The following IQCK variants were observed in gnomAD, a reference collection of about 807,000 sequenced individuals.
IQCK encodes IQ domain-containing protein K.
IQCK carries 29 observed loss-of-function variants against 28.1 expected under a neutral mutation model. That is an observed-to-expected ratio of 1.03 (90% confidence interval 0.77 to 1.41). The LOEUF (loss-of-function observed/expected upper bound fraction) is 1.41. IQCK is among the 40% of genes most tolerant of loss of function. The pLI is 0.00. For synonymous variants in IQCK, 113 were observed against 115.1 expected (o/e 0.98, Z 0.12); for missense variants, 359 against 314.7 (o/e 1.14, Z -1.07).
At chr16:19,733,976 T>G in intron 3 of IQCK, 149 bp downstream of exon 3, 1 of 652,176 alleles carries the variant, frequency 1.5e-6, no homozygotes, top group Non-Finnish European at 2.5e-6. Context: ...AGACATGTCC[T>G]TTATTTCACT....
intron 6 of IQCK, among the ~76,000 whole-genome samples, chr16:19,773,312 G>A (rs2055342697): frequency 6.6e-6 from 1 of 152,160 alleles, no homozygotes; most frequent in Non-Finnish European, 1.5e-5. Context: ...CACCCCTCCA[G>A]AGACCCAGCT....
intron 7 of IQCK, among the ~76,000 whole-genome samples, chr16:19,806,705 C>T (rs1486972208): frequency 7.5e-6 from 1 of 133,982 alleles, no homozygotes; most frequent in Non-Finnish European, 1.6e-5. Context: ...CTCCCCACCC[C>T]CCCACCCCCC....
chr16:19,737,167 A>G (rs531060245), intron 4 of IQCK, among the ~76,000 whole-genome samples: 3 of 151,864 alleles, frequency 2.0e-5, no homozygotes, highest in African/African-American at 4.8e-5. Context: ...TCTCCAAAAG[A>G]AAAAAAAGAT....
intron 7 of IQCK, among the ~76,000 whole-genome samples, chr16:19,811,587 C>T (rs1291822590): frequency 2.0e-5 from 3 of 152,102 alleles, no homozygotes; most frequent in Non-Finnish European, 2.9e-5. Context: ...ACTGCAAAGA[C>T]GACCCCACCA....
intron 7 of IQCK, among the ~76,000 whole-genome samples, chr16:19,821,080 C>T (rs941529480): frequency 6.6e-6 from 1 of 152,128 alleles, no homozygotes; most frequent in Non-Finnish European, 1.5e-5. Context: ...CAGTGGTACA[C>T]ACCTGTAGTC....
downstream of IQCK, among the ~76,000 whole-genome samples, chr16:19,829,097 G>T (rs1003619390): frequency 6.7e-6 from 1 of 149,726 alleles, no homozygotes; most frequent in Non-Finnish European, 1.5e-5. Context: ...GGACCAGAGG[G>T]GTGGAACCAC....
At chr16:19,823,548 C>T (rs1015460402) in intron 7 of IQCK, among the ~76,000 whole-genome samples, 1 of 152,148 alleles carries the variant, frequency 6.6e-6, no homozygotes, top group Non-Finnish European at 1.5e-5. Flanking sequence ...GAAGCACTGA[C>T]CGGGGCATGT....
At chr16:19,769,116 A>C (rs2055282990) in intron 6 of IQCK, among the ~76,000 whole-genome samples, 1 of 152,214 alleles carries the variant, frequency 6.6e-6, no homozygotes, top group Admixed American at 6.5e-5. Context: ...TATCCTCATG[A>C]CATGGTGACT....
At chr16:19,721,029 ATTCAG>A (rs1977479872) in intron 1 of IQCK, among the ~76,000 whole-genome samples, 1 of 152,016 alleles carries the variant, frequency 6.6e-6, no homozygotes, top group Admixed American at 6.6e-5. Flanking sequence ...AAAAAAAACA[ATTCAG>A]TGAGGTCAAC....
At chr16:19,785,635 G>C (rs139636817) in intron 6 of IQCK, among the ~76,000 whole-genome samples, 1 of 152,068 alleles carries the variant, frequency 6.6e-6, no homozygotes, top group Non-Finnish European at 1.5e-5. Flanking sequence ...GTCTTTGTTT[G>C]CATAACTTTA....
intron 4 of IQCK, among the ~76,000 whole-genome samples, chr16:19,745,303 A>G (rs1239057458): frequency 6.6e-6 from 1 of 152,118 alleles, no homozygotes; most frequent in Non-Finnish European, 1.5e-5. Flanking sequence ...TGGCATTTAA[A>G]TGCTCACTAT....
chr16:19,834,871 G>A (rs961504006), intron 9 of IQCK, among the ~76,000 whole-genome samples: 5 of 152,160 alleles, frequency 3.3e-5, no homozygotes, highest in South Asian at 2.1e-4. Context: ...GTGACCAACA[G>A]TCTATCATCT....
chr16:19,786,693 A>G (rs2055566095), intron 6 of IQCK, among the ~76,000 whole-genome samples: 1 of 144,478 alleles, frequency 6.9e-6, no homozygotes, highest in South Asian at 2.1e-4. Flanking sequence ...GTGAAACTTC[A>G]TTGAAAGGAA....
intron 1 of IQCK, among the ~76,000 whole-genome samples, chr16:19,719,340 G>A (rs1416541258): frequency 6.6e-6 from 1 of 151,992 alleles, no homozygotes; most frequent in African/African-American, 2.4e-5. Flanking sequence ...GCTCCTCAAG[G>A]TCAAGGACTC....
intron 4 of IQCK, among the ~76,000 whole-genome samples, chr16:19,756,991 C>T (rs114104563): frequency 0.03 from 4,626 of 152,066 alleles, 217 homozygotes; most frequent in African/African-American, 0.11. Context: ...CCAAATCTGC[C>T]AGCACTTTTA....
At chr16:19,743,021 A>C (rs761557352) in intron 4 of IQCK, among the ~76,000 whole-genome samples, 3 of 152,202 alleles carry the variant, frequency 2.0e-5, no homozygotes, top group African/African-American at 7.2e-5. Flanking sequence ...ATACAAAAAA[A>C]TTAGTTGGGC....
chr16:19,775,205 C>T (rs1408705852), intron 6 of IQCK, among the ~76,000 whole-genome samples: 25 of 140,114 alleles, frequency 1.8e-4, no homozygotes, highest in African/African-American at 6.2e-4. Flanking sequence ...GCAGCCTGGG[C>T]GACAGGGTGA....
rs1346948698 is a variant in IQCK at position 19,799,593 on chromosome 16, TATATAC to T, written c.690+10673_690+10678del. Reference sequence around the variant, plus strand: ...GCCTATATTTTATTTTATATATATATATATACACACACACACACACACACACACACA... The same window carrying T: ...GCCTATATTTTATTTTATATATATATACACACACACACACACACACACACA... On this transcript the variant is annotated intron_variant, in intron 7 of 7. Transcript: ENST00000564186. 1.3e-3 allele frequency among the ~76,000 whole-genome samples: 129 copies of T among 103,126 alleles called. 11 individuals carry two copies. The highest frequency in any genetic ancestry group is 5.3e-3 in the African/African-American group (95 of 17,978). 67.7% of individuals were successfully genotyped at this position (103,126 alleles called of 152,430 possible).
intron 7 of IQCK, among the ~76,000 whole-genome samples, chr16:19,802,933 C>G (rs1158508163): frequency 1.3e-5 from 2 of 152,126 alleles, no homozygotes; most frequent in Admixed American, 1.3e-4. Flanking sequence ...TAAACACATA[C>G]GACTTTTACG....
Sources: allele counts gnomAD v4.1 joint callset (sites outside exome capture counted in the v4.1 genomes callset), GRCh38; gene constraint gnomAD v4.1.1; transcripts MANE v1.5; gene names NCBI Gene and HGNC (gene_info 2026-07-23, HGNC 2026-07-21).